The following INSC variants were observed in gnomAD, a reference collection of about 807,000 sequenced individuals.
The protein encoded by INSC is protein inscuteable homolog.
INSC carries 67 observed loss-of-function variants against 58.6 expected under a neutral mutation model. That is an observed-to-expected ratio of 1.14 (90% CI 0.94 to 1.40). The LOEUF is 1.40. Among genes scored for constraint, INSC ranks in the 40% most tolerant of loss-of-function variants. The probability of loss-of-function intolerance (pLI) is 0.00; values close to 1 mark genes in which losing one functional copy is unlikely to be tolerated. For missense variants in INSC, 714 were observed against 692.0 expected (o/e 1.03, Z -0.36); for synonymous variants, 262 against 276.1 (o/e 0.95, Z 0.51).
chr11:15,219,310 C>A (rs1233215813), intron 7 of INSC, among the ~76,000 whole-genome samples: 1 of 152,030 alleles, frequency 6.6e-6, no homozygotes, highest in Admixed American at 6.6e-5. Flanking sequence ...CATGGGAGAC[C>A]CAAAGAAGGC....
intron 7 of INSC, 30 bp downstream of exon 7, chr11:15,200,979 G>T: frequency 6.4e-7 from 1 of 1,572,382 alleles, no homozygotes; most frequent in East Asian, 2.4e-5. Flanking sequence ...TGGTGCCTGA[G>T]GTCCTCAAGC....
upstream of INSC, chr11:15,112,586 A>ATGTGAGTGTGTG (rs1564851337): frequency 1.1e-6 from 1 of 887,430 alleles, no homozygotes; most frequent in Admixed American, 2.8e-5. Flanking sequence ...GGGAAGGTGG[A>ATGTGAGTGTGTG]TGTGAGTGTG....
intron 2 of INSC, among the ~76,000 whole-genome samples, chr11:15,172,589 A>G (rs1849438022): frequency 6.6e-6 from 1 of 152,204 alleles, no homozygotes; most frequent in African/African-American, 2.4e-5. Flanking sequence ...CTCTGGCTGT[A>G]GTTTTTTAGA....
the INSC span, among the ~76,000 whole-genome samples, chr11:15,262,445 G>A: frequency 6.6e-5 from 10 of 152,136 alleles, no homozygotes; most frequent in Admixed American, 3.3e-4. Flanking sequence ...TACTGAGTCC[G>A]AAGAGAAGCC....
At chr11:15,240,413 C>T in intron 11 of INSC, 34 bp from the exon 12 acceptor site, 3 of 1,591,984 alleles carry the variant, frequency 1.9e-6, no homozygotes, top group Non-Finnish European at 2.6e-6. Context: ...TGGGCCCTGT[C>T]CTGGGCCTGA....
chr11:15,236,588 G>A (rs11023481), intron 10 of INSC, among the ~76,000 whole-genome samples: 9,511 of 152,244 alleles, frequency 0.062, 367 homozygotes, highest in East Asian at 0.1. Context: ...GGTGGGCCAG[G>A]TTTCATTGGC....
chr11:15,136,349 G>A (rs371960465), intron 1 of INSC, among the ~76,000 whole-genome samples: 4 of 152,252 alleles, frequency 2.6e-5, no homozygotes, highest in African/African-American at 9.6e-5. Context: ...GATGTCTGCT[G>A]ACTAATCAGG....
chr11:15,131,824 T>C (rs1045146531), intron 1 of INSC, among the ~76,000 whole-genome samples: 3 of 152,184 alleles, frequency 2.0e-5, no homozygotes, highest in Non-Finnish European at 4.4e-5. Context: ...TAAGCTATTT[T>C]AGGTCTTTTT....
intron 7 of INSC, among the ~76,000 whole-genome samples, chr11:15,211,033 C>G (rs1161164494): frequency 6.6e-6 from 1 of 151,714 alleles, no homozygotes; most frequent in Non-Finnish European, 1.5e-5. Context: ...TAAAGAGAGA[C>G]AGGGAGAAGG....
intron 2 of INSC, among the ~76,000 whole-genome samples, chr11:15,171,360 G>C (rs1455570672): frequency 6.6e-6 from 1 of 152,090 alleles, no homozygotes; most frequent in Non-Finnish European, 1.5e-5. Flanking sequence ...ATCTTCTCAG[G>C]GATCTCAATG....
intron 1 of INSC, among the ~76,000 whole-genome samples, chr11:15,146,191 C>T (rs1246270061): frequency 1.3e-5 from 2 of 152,218 alleles, no homozygotes; most frequent in Non-Finnish European, 2.9e-5. Flanking sequence ...GTGGGCTAAA[C>T]AAGTATTTCC....
the INSC span, among the ~76,000 whole-genome samples, chr11:15,262,555 G>T: frequency 6.6e-6 from 1 of 151,950 alleles, no homozygotes; most frequent in Non-Finnish European, 1.5e-5. Context: ...AAGGAAAACT[G>T]CAGGTCTTGA....
chr11:15,239,757 A>T (rs1247125402), intron 11 of INSC, among the ~76,000 whole-genome samples: 1 of 152,196 alleles, frequency 6.6e-6, no homozygotes, highest in Non-Finnish European at 1.5e-5. Flanking sequence ...GCTCATGTTT[A>T]TCTGGGTGAG....
At chr11:15,186,165 G>GT (rs1379537957) in intron 5 of INSC, among the ~76,000 whole-genome samples, 1 of 152,158 alleles carries the variant, frequency 6.6e-6, no homozygotes. Context: ...ACGAGGGTCA[G>GT]TACCTCTGCC....
intron 5 of INSC, chr11:15,188,123 G>A (rs1850039232): frequency 2.1e-6 from 2 of 940,838 alleles, no homozygotes; most frequent in Non-Finnish European, 2.5e-6. Context: ...GCTTGGAGTA[G>A]CTTAGGGGAA....
rs200340223 is a variant in INSC, at chr11:15,176,041, C to T, written c.357C>T (p.Ser119=). ...CCTGCCATGCCCGCTCCATGGTCAGCGAGTACAGTGCTGTCAGCAGGAACT... is the reference window on the plus strand; with the variant it reads ...CCTGCCATGCCCGCTCCATGGTCAGTGAGTACAGTGCTGTCAGCAGGAACT... ...RLTCHARSMV[S]EYSAVSRNSL... Residue 119 remains serine, a synonymous_variant, in exon 3 of 13, where the codon AGC becomes AGT. Coordinates refer to ENST00000379556, the MANE Select transcript of INSC (RefSeq NM_001042536.3). The T allele has an allele frequency of 1.5e-4, 229 of 1,566,968 alleles. 4 individuals carry two copies. The highest frequency in any genetic ancestry group is 1.2e-3 in the Admixed American group (65 of 54,310).
upstream of INSC, chr11:15,112,348 G>A (rs1847588411): frequency 5.1e-6 from 4 of 780,512 alleles, no homozygotes; most frequent in Admixed American, 2.9e-5. Context: ...CCTTGGACAA[G>A]CTTTGCCTTG....
At chr11:15,188,300 G>C in intron 5 of INSC, 1 of 985,478 alleles carries the variant, frequency 1.0e-6, no homozygotes, top group Non-Finnish European at 1.2e-6. Flanking sequence ...CTGGACAACA[G>C]CCTTGCCTTG....
intron 9 of INSC, among the ~76,000 whole-genome samples, chr11:15,233,227 A>G: frequency 6.6e-6 from 1 of 152,188 alleles, no homozygotes; most frequent in East Asian, 1.9e-4. Context: ...GTGCCCTTTC[A>G]CTTAGGTGGA....
Sources: allele counts gnomAD v4.1 joint callset (sites outside exome capture counted in the v4.1 genomes callset), GRCh38; gene constraint gnomAD v4.1.1; transcripts MANE v1.5; gene names NCBI Gene and HGNC (gene_info 2026-07-23, HGNC 2026-07-21).